PPP6R3: variants seen among roughly 807,000 people sequenced by gnomAD.
PPP6R3 encodes the protein protein phosphatase 6 regulatory subunit 3.
PPP6R3 carries 38 observed loss-of-function variants against 110.7 expected under a neutral mutation model. The observed-to-expected ratio is 0.34, with a 90% confidence interval of 0.26 to 0.45. PPP6R3 has a LOEUF of 0.45. PPP6R3 is among the 20% of genes least tolerant of loss of function. The pLI, the probability that PPP6R3 is intolerant of heterozygous loss-of-function variation, is 1.00. For missense variants in PPP6R3, 870 were observed against 1,062.4 expected, an observed-to-expected ratio of 0.82 and a Z score of 2.52; for synonymous variants, 369 against 373.5, an observed-to-expected ratio of 0.99 and a Z score of 0.14.
chr11:68,606,485 T>G (rs1940033927), intron 22 of PPP6R3, among the ~76,000 whole-genome samples: 1 of 151,232 alleles, frequency 6.6e-6, no homozygotes, highest in Admixed American at 6.6e-5. Context: ...GTAGTTTTTT[T>G]TTTTTTTTTT....
intron 1 of PPP6R3, among the ~76,000 whole-genome samples, chr11:68,478,300 C>G (rs2098851629): frequency 6.6e-6 from 1 of 152,156 alleles, no homozygotes; most frequent in East Asian, 1.9e-4. Flanking sequence ...TTTGGCCTCC[C>G]AAAGTGTTGA....
At chr11:68,584,123 T>C (rs1488788162) in intron 15 of PPP6R3, among the ~76,000 whole-genome samples, 3 of 152,204 alleles carry the variant, frequency 2.0e-5, no homozygotes, top group African/African-American at 7.2e-5. Context: ...GGCTGACTTC[T>C]CTGTTGATTC....
In PPP6R3 at chr11:68,528,435, G is replaced by GC. The variant is rs1555110064; in HGVS notation, c.-7+8784_-7+8785insC. On this transcript the variant is annotated intron_variant, in intron 2 of 23. Coordinates refer to ENST00000393800, the MANE Select transcript of PPP6R3 (RefSeq NM_001164161.2). Reference sequence around the variant, plus strand: ...ATATTTGATTTAATTTGTGTGTGTGGGGGGGGGGGCTGCACCTTTATGAAA... The same window carrying GC: ...ATATTTGATTTAATTTGTGTGTGTGGCGGGGGGGGGCTGCACCTTTATGAAA... Among the ~76,000 whole-genome samples, 9 of 83,626 alleles carry GC rather than the reference G, an allele frequency of 1.1e-4. No individual in the cohort carries two copies. In the South Asian group the frequency reaches 1.9e-3, roughly 17 times the overall value. 54.9% of individuals were successfully genotyped at this position (83,626 alleles called of 152,430 possible).
chr11:68,493,032 C>G (rs1203288216), intron 1 of PPP6R3, among the ~76,000 whole-genome samples: 1 of 152,104 alleles, frequency 6.6e-6, no homozygotes, highest in African/African-American at 2.4e-5. Flanking sequence ...GCTGAACTTA[C>G]CAGGTATGTG....
At chr11:68,466,761 T>C (rs959268603) in intron 1 of PPP6R3, among the ~76,000 whole-genome samples, 3 of 151,874 alleles carry the variant, frequency 2.0e-5, no homozygotes, top group Non-Finnish European at 4.4e-5. Context: ...TACAGGTGCC[T>C]GCCACCACGC....
chr11:68,472,564 A>G (rs1032495955), intron 1 of PPP6R3, among the ~76,000 whole-genome samples: 4 of 149,436 alleles, frequency 2.7e-5, no homozygotes, highest in Admixed American at 1.3e-4. Flanking sequence ...AGCCCTTGGT[A>G]TTGTCAGACT....
intron 1 of PPP6R3, among the ~76,000 whole-genome samples, chr11:68,477,757 T>TATATAGATATATATATAG (rs1565285981): frequency 7.2e-6 from 1 of 138,788 alleles, no homozygotes; most frequent in Non-Finnish European, 1.5e-5. Context: ...TATATATATA[T>TATATAGATATATATATAG]ATATATATAT....
intron 1 of PPP6R3, among the ~76,000 whole-genome samples, chr11:68,469,755 T>TA (rs989038138): frequency 2.0e-5 from 3 of 152,128 alleles, no homozygotes; most frequent in African/African-American, 7.2e-5. Context: ...GCCCAGATAT[T>TA]AAACATTAGA....
At chr11:68,483,715 C>G (rs1275874530) in intron 1 of PPP6R3, among the ~76,000 whole-genome samples, 1 of 152,228 alleles carries the variant, frequency 6.6e-6, no homozygotes, top group Non-Finnish European at 1.5e-5. Context: ...CTCCTGACTT[C>G]AGGTGATCCG....
chr11:68,560,816 G>A (rs1187743972), intron 8 of PPP6R3, among the ~76,000 whole-genome samples: 3 of 151,128 alleles, frequency 2.0e-5, no homozygotes, highest in African/African-American at 7.3e-5. Context: ...CTCAAGTCTC[G>A]TATAAATGGC....
In PPP6R3 at chr11:68,512,110, A is replaced by G. The variant is rs546370690; in HGVS notation, c.-157-7391A>G. On this transcript the variant is annotated intron_variant, in intron 1 of 23. Transcript: ENST00000393800. ...GTGTCTTTCTGTGTACTCGTGGTTG[A>G]TAAAGTTTGACTGTGTATATGCTTT... Among the ~76,000 whole-genome samples, 7 of 152,258 alleles carry G rather than the reference A, an allele frequency of 4.6e-5. No individual in the cohort carries two copies. The South Asian group carries it at 1.5e-3, about 32-fold the overall frequency.
intron 1 of PPP6R3, among the ~76,000 whole-genome samples, chr11:68,486,961 C>T (rs2098951704): frequency 6.6e-6 from 1 of 151,732 alleles, no homozygotes; most frequent in African/African-American, 2.4e-5. Flanking sequence ...AAATTTGTGT[C>T]TTCTCTCATT....
chr11:68,517,109 CTT>C (rs780000483), intron 1 of PPP6R3, among the ~76,000 whole-genome samples: 17 of 140,278 alleles, frequency 1.2e-4, no homozygotes, highest in Admixed American at 3.6e-4. Flanking sequence ...TTTGTTCTTT[CTT>C]TTTTTTTTTT....
chr11:68,590,168 A>G (rs565136086), intron 16 of PPP6R3, among the ~76,000 whole-genome samples: 1 of 152,318 alleles, frequency 6.6e-6, no homozygotes, highest in East Asian at 1.9e-4. Context: ...ATAAGCAATG[A>G]ATTCTTTTAC....
chr11:68,599,148 T>C (rs566179687), intron 19 of PPP6R3, among the ~76,000 whole-genome samples: 4 of 152,334 alleles, frequency 2.6e-5, no homozygotes, highest in South Asian at 2.1e-4. Context: ...AAATAACTTA[T>C]ACCAGTTTCC....
intron 15 of PPP6R3, 83 bp from the exon 16 acceptor site, chr11:68,587,844 A>T (rs2099583654): frequency 8.5e-7 from 1 of 1,170,932 alleles, no homozygotes; most frequent in African/African-American, 1.5e-5. Flanking sequence ...AAATAAGATG[A>T]TTTCTGGAAC....
chr11:68,551,383 T>A (rs913671929), intron 6 of PPP6R3, among the ~76,000 whole-genome samples, 197 bp downstream of exon 6: 3 of 152,234 alleles, frequency 2.0e-5, no homozygotes, highest in Admixed American at 6.5e-5. Context: ...TTTCCAGAAG[T>A]GTACAACAGC....
intron 1 of PPP6R3, among the ~76,000 whole-genome samples, chr11:68,462,531 G>A (rs1186698406): frequency 7.9e-6 from 1 of 126,968 alleles, no homozygotes; most frequent in Non-Finnish European, 1.7e-5. Context: ...AGTAACTAGG[G>A]TTTCTTAGTG....
At chr11:68,475,147 T>C (rs1021478310) in intron 1 of PPP6R3, among the ~76,000 whole-genome samples, 2 of 152,142 alleles carry the variant, frequency 1.3e-5, no homozygotes, top group African/African-American at 4.8e-5. Context: ...CAAGTATCTG[T>C]TTAACAAAGC....
Sources: allele counts gnomAD v4.1 joint callset (sites outside exome capture counted in the v4.1 genomes callset), GRCh38; gene constraint gnomAD v4.1.1; transcripts MANE v1.5; gene names NCBI Gene and HGNC (gene_info 2026-07-23, HGNC 2026-07-21).